The following NSRP1 variants were observed in gnomAD, a reference collection of about 807,000 sequenced individuals.
NSRP1 encodes the protein nuclear speckle splicing regulatory protein 1, also known as coiled-coil domain containing 55.
NSRP1 carries 24 observed loss-of-function variants against 54.7 expected under a neutral mutation model. The ratio of observed to expected loss-of-function variants is 0.44; its 90% confidence interval spans 0.32 to 0.62. NSRP1 has a LOEUF of 0.62. NSRP1 is among the 20% of genes least tolerant of loss of function. The probability of loss-of-function intolerance (pLI) is 0.06; values close to 1 mark genes in which losing one functional copy is unlikely to be tolerated. For missense variants in NSRP1, 596 were observed against 651.2 expected (o/e 0.92, Z 0.92); for synonymous variants, 210 against 213.8 (o/e 0.98, Z 0.15).
Position 30,123,927 on chromosome 17 carries a change from T to A in NSRP1, c.114+5754T>A, listed in dbSNP as rs548444867. 1.2e-4 allele frequency among the ~76,000 whole-genome samples: 19 copies of A among 152,292 alleles called. No individual in the cohort carries two copies. In the South Asian group the frequency reaches 3.9e-3, roughly 32 times the overall value. ...CTTACTATGGATACAACAGAAGGAT[T>A]GGACATGCTTATCTTGCATTTCACA... is the stretch of plus-strand genomic sequence containing the variant. On this transcript the variant is annotated intron_variant, in intron 2 of 6. Coordinates refer to ENST00000247026, the MANE Select transcript of NSRP1 (RefSeq NM_032141.4).
chr17:30,171,099 T>G (rs1328638486), intron 2 of NSRP1, among the ~76,000 whole-genome samples: 6 of 152,088 alleles, frequency 3.9e-5, no homozygotes, highest in Non-Finnish European at 8.8e-5. Context: ...ATCTTTAGTT[T>G]TGCCCATGTG....
At chr17:30,134,429 A>G (rs1005047516) in intron 2 of NSRP1, among the ~76,000 whole-genome samples, 1 of 152,244 alleles carries the variant, frequency 6.6e-6, no homozygotes, top group African/African-American at 2.4e-5. Context: ...ACACATCTTC[A>G]ATTTGTAGTA....
chr17:30,125,729 G>A, intron 2 of NSRP1: 1 of 152,234 alleles, frequency 6.6e-6, no homozygotes. Context: ...TGTATTTTTT[G>A]TAGAGATGGG....
intron 2 of NSRP1, among the ~76,000 whole-genome samples, chr17:30,140,426 G>A (rs947941053): frequency 6.7e-6 from 1 of 150,308 alleles, no homozygotes; most frequent in African/African-American, 2.4e-5. Flanking sequence ...TTTTAGGACA[G>A]TTAACAGAAA....
rs1000262772 is a variant in NSRP1 at position 30,118,062 on chromosome 17, C to A, written c.21-18C>A. On this transcript the variant is annotated intron_variant, in intron 1 of 6. Transcript: ENST00000247026. Reference sequence around the variant, plus strand: ...AAACATAAAGGTTTAATTTCTATTTCAAAAAAAATATATGCAGGTATGGGC... The same window carrying A: ...AAACATAAAGGTTTAATTTCTATTTAAAAAAAAATATATGCAGGTATGGGC... The A allele has an allele frequency of 6.3e-7, 1 of 1,589,044 alleles. No individual in the cohort carries two copies. The highest frequency in any genetic ancestry group is 8.6e-7 in the Non-Finnish European group (1 of 1,162,164).
At chr17:30,141,407 T>C (rs2071804028) in intron 2 of NSRP1, among the ~76,000 whole-genome samples, 1 of 152,206 alleles carries the variant, frequency 6.6e-6, no homozygotes. Flanking sequence ...AATTAGGCTT[T>C]TAATTTTCAA....
intron 3 of NSRP1, among the ~76,000 whole-genome samples, chr17:30,173,120 T>C (rs1905015315): frequency 6.6e-6 from 1 of 152,074 alleles, no homozygotes; most frequent in South Asian, 2.1e-4. Flanking sequence ...CATGCCACCA[T>C]GCCCAGCTAA....
At chr17:30,178,004 A>C in intron 3 of NSRP1, 67 bp from the exon 4 acceptor site, 1 of 1,510,022 alleles carries the variant, frequency 6.6e-7, no homozygotes, top group Non-Finnish European at 9.2e-7. Context: ...CATTCTCAAA[A>C]AGCATAGACT....
chr17:30,176,089 T>C (rs1257831250), intron 3 of NSRP1, among the ~76,000 whole-genome samples: 1 of 140,002 alleles, frequency 7.1e-6, no homozygotes, highest in African/African-American at 2.8e-5. Flanking sequence ...CATACTGTTT[T>C]TTTTTGTTGT....
chr17:30,123,053 G>A lies in NSRP1; in HGVS notation c.114+4880G>A, dbSNP rs2071618489. Among the ~76,000 whole-genome samples, 3 of 138,526 alleles carry A rather than the reference G, an allele frequency of 2.2e-5. No individual in the cohort carries two copies. The South Asian group carries it at 6.2e-4, about 29-fold the overall frequency. The allele number at this position is 138,526 out of a possible 152,430, so 90.9% of individuals were successfully genotyped here. A position where few individuals can be genotyped will look rare whatever the true frequency, so the allele number is the denominator to read the frequency against. ...TCCTGCCTCAGCTTCCCAAAGTGCT[G>A]GGACTACAGGTGCAAGCCACTGTTC... On this transcript the variant is annotated intron_variant, in intron 2 of 6. Coordinates refer to ENST00000247026, the MANE Select transcript of NSRP1 (RefSeq NM_032141.4).
chr17:30,132,002 A>G lies in NSRP1; in HGVS notation c.114+13829A>G, dbSNP rs566557637. On this transcript the variant is annotated intron_variant, in intron 2 of 6. Transcript: ENST00000247026. The stretch of plus-strand genomic sequence containing the variant: ...GGTGGCTCACGCTTGTAATCCCAGC[A>G]CTTTGGGAGGCCGAGGCGGGCGGAT... 1.8e-3 allele frequency among the ~76,000 whole-genome samples: 269 copies of G among 152,270 alleles called. 1 individual carries two copies. The highest frequency in any genetic ancestry group is 2.7e-3 in the Non-Finnish European group (182 of 68,026).
chr17:30,117,026 C>T, intron 1 of NSRP1, 163 bp downstream of exon 1: 1 of 941,710 alleles, frequency 1.1e-6, no homozygotes, highest in Admixed American at 2.0e-5. Context: ...TCCCCTCCCC[C>T]GTACATTTTC....
intron 3 of NSRP1, among the ~76,000 whole-genome samples, chr17:30,175,160 T>G (rs1269167664): frequency 6.6e-6 from 1 of 152,208 alleles, no homozygotes; most frequent in Admixed American, 6.5e-5. Flanking sequence ...CTCTGTTTTC[T>G]GTTCTCTTTT....
chr17:30,147,478 T>C (rs1466831546), intron 2 of NSRP1, among the ~76,000 whole-genome samples: 2 of 151,574 alleles, frequency 1.3e-5, no homozygotes, highest in Non-Finnish European at 2.9e-5. Context: ...TGTTTTGTTT[T>C]GTTTGAGATG....
chr17:30,163,608 G>C (rs1007982975), intron 2 of NSRP1, among the ~76,000 whole-genome samples: 2 of 148,816 alleles, frequency 1.3e-5, no homozygotes, highest in African/African-American at 4.9e-5. Context: ...AATGAAGGGA[G>C]AAAAAAACTA....
At chr17:30,143,155 T>C (rs749502115) in intron 2 of NSRP1, among the ~76,000 whole-genome samples, 10 of 152,204 alleles carry the variant, frequency 6.6e-5, no homozygotes, top group Admixed American at 6.5e-5. Flanking sequence ...AAAAGAAGTT[T>C]TTCCTTTATT....
intron 2 of NSRP1, among the ~76,000 whole-genome samples, chr17:30,146,963 C>G (rs1460728190): frequency 6.6e-6 from 1 of 152,122 alleles, no homozygotes; most frequent in Non-Finnish European, 1.5e-5. Flanking sequence ...CCTCTTTTTC[C>G]TGTTTTACTT....
intron 2 of NSRP1, among the ~76,000 whole-genome samples, chr17:30,118,947 C>A (rs1012964605): frequency 6.6e-6 from 1 of 151,922 alleles, no homozygotes; most frequent in African/African-American, 2.4e-5. Context: ...AGGGTCTCAC[C>A]ATGTTGGCCG....
At chr17:30,164,733 G>C (rs551286786) in intron 2 of NSRP1, among the ~76,000 whole-genome samples, 7 of 152,280 alleles carry the variant, frequency 4.6e-5, no homozygotes, top group South Asian at 2.1e-4. Flanking sequence ...GGGAGGTCGA[G>C]GCTGCAGTGT....
Sources: allele counts gnomAD v4.1 joint callset (sites outside exome capture counted in the v4.1 genomes callset), GRCh38; gene constraint gnomAD v4.1.1; transcripts MANE v1.5; gene names NCBI Gene and HGNC (gene_info 2026-07-23, HGNC 2026-07-21).